The following PYY variants were observed in gnomAD, a reference collection of about 807,000 sequenced individuals.
PYY encodes peptide YY.
A neutral mutation model predicts 10.3 loss-of-function variants in PYY; 12 were observed. The ratio of observed to expected loss-of-function variants is 1.17; its 90% CI spans 0.75 to 1.89. The LOEUF (loss-of-function observed/expected upper bound fraction) is 1.89, where lower values mean the gene tolerates loss of function less well. Ranked by LOEUF, PYY falls within the 40% of genes most tolerant of loss-of-function variation. The probability of loss-of-function intolerance (pLI) is 0.00; values close to 1 mark genes in which losing one functional copy is unlikely to be tolerated. For missense variants in PYY, 141 were observed against 134.0 expected (o/e 1.05, Z -0.26); for synonymous variants, 66 against 62.0 (o/e 1.06, Z -0.30).
intron 1 of PYY, among the ~76,000 whole-genome samples, chr17:43,969,749 C>T (rs943819268): frequency 5.5e-5 from 8 of 144,796 alleles, no homozygotes; most frequent in African/African-American, 2.0e-4. Flanking sequence ...ACAAAAAAAA[C>T]TTTTTTTTTT....
upstream of PYY, among the ~76,000 whole-genome samples, chr17:43,955,660 C>G (rs1189059347): frequency 2.0e-5 from 3 of 152,102 alleles, no homozygotes; most frequent in Non-Finnish European, 4.4e-5. Flanking sequence ...CTTCAAGAAC[C>G]CCAGTCTCAA....
At chr17:43,974,740 A>G (rs2048817840) in intron 1 of PYY, among the ~76,000 whole-genome samples, 1 of 152,196 alleles carries the variant, frequency 6.6e-6, no homozygotes, top group Admixed American at 6.6e-5. Flanking sequence ...GGGTCCTAAC[A>G]TTGTATTCTA....
intron 1 of PYY, among the ~76,000 whole-genome samples, chr17:43,999,045 G>C (rs115687562): frequency 6.6e-6 from 1 of 152,250 alleles, no homozygotes; most frequent in East Asian, 1.9e-4. Context: ...TAGAGAAAAG[G>C]ACCAAGGCCT....
chr17:43,984,622 A>T (rs2048904676), intron 1 of PYY, among the ~76,000 whole-genome samples: 1 of 152,168 alleles, frequency 6.6e-6, no homozygotes, highest in Admixed American at 6.5e-5. Context: ...GGTCTGTCTG[A>T]ACCCAGAGTC....
intron 1 of PYY, among the ~76,000 whole-genome samples, chr17:43,973,436 C>T (rs1032439290): frequency 6.6e-6 from 1 of 152,118 alleles, no homozygotes; most frequent in Non-Finnish European, 1.5e-5. Flanking sequence ...CTGTGTGAGC[C>T]CCTTGAGGCA....
chr17:43,977,623 A>C (rs927143056), intron 1 of PYY, among the ~76,000 whole-genome samples: 2 of 151,280 alleles, frequency 1.3e-5, no homozygotes, highest in Non-Finnish European at 2.9e-5. Context: ...GCTTACCTTC[A>C]CCCTACTCTG....
In PYY at chr17:43,960,849, CA is replaced by C. The variant is rs754256255; in HGVS notation, c.-217-2822del. Among the ~76,000 whole-genome samples the C allele has an allele frequency of 8.0e-3, 1,020 of 127,276 alleles. 46 individuals carry two copies. The highest frequency in any genetic ancestry group is 0.074 in the Admixed American group (947 of 12,840). The allele number at this position is 127,276 out of a possible 152,430, so 83.5% of individuals were successfully genotyped here. On this transcript the variant is annotated intron_variant, in intron 2 of 6. Transcript: ENST00000360085. ...TGGGTGATAGAGTAAGACTCCGTCGCAAAAAAAAAAAAAACGGTGTTCATTA... is the reference window on the plus strand; with the variant it reads ...TGGGTGATAGAGTAAGACTCCGTCGCAAAAAAAAAAAAACGGTGTTCATTA...
chr17:43,969,897 C>T (rs370585449), intron 1 of PYY, among the ~76,000 whole-genome samples: 3 of 151,746 alleles, frequency 2.0e-5, no homozygotes, highest in East Asian at 2.0e-4. Flanking sequence ...TGCCCGCCAC[C>T]GCACCCGGCT....
intron 2 of PYY, among the ~76,000 whole-genome samples, chr17:43,961,098 T>C (rs2048709541): frequency 6.6e-6 from 1 of 151,852 alleles, no homozygotes; most frequent in Non-Finnish European, 1.5e-5. Context: ...TGGTGGTGCA[T>C]GCCTGTAGTC....
At chr17:43,992,895 T>G (rs1467088485) in intron 1 of PYY, among the ~76,000 whole-genome samples, 1 of 84,152 alleles carries the variant, frequency 1.2e-5, no homozygotes, top group Non-Finnish European at 2.4e-5. Flanking sequence ...AGGGGGAGGA[T>G]TGTCAGAGGA....
intron 1 of PYY, among the ~76,000 whole-genome samples, chr17:43,986,627 A>G (rs1173541165): frequency 6.6e-6 from 1 of 152,206 alleles, no homozygotes; most frequent in African/African-American, 2.4e-5. Context: ...GGAAAGAACA[A>G]TAATAGCCTT....
chr17:43,996,429 G>A (rs1470056574), intron 1 of PYY, among the ~76,000 whole-genome samples: 1 of 152,130 alleles, frequency 6.6e-6, no homozygotes, highest in Non-Finnish European at 1.5e-5. Context: ...GCATCCATGA[G>A]CAAATAAAAT....
intron 1 of PYY, among the ~76,000 whole-genome samples, chr17:43,973,645 A>G (rs1567930951): frequency 6.6e-6 from 1 of 152,070 alleles, no homozygotes; most frequent in Non-Finnish European, 1.5e-5. Context: ...AAATACAAAA[A>G]TTAGCCAGGC....
intron 1 of PYY, among the ~76,000 whole-genome samples, chr17:43,985,267 G>C (rs2143944292): frequency 6.6e-6 from 1 of 152,230 alleles, no homozygotes; most frequent in Middle Eastern, 3.4e-3. Context: ...CTGAAGTGCA[G>C]TGGCGTGATC....
chr17:43,963,598 GAA>G (rs780809640), intron 2 of PYY, among the ~76,000 whole-genome samples: 6 of 82,298 alleles, frequency 7.3e-5, no homozygotes, highest in South Asian at 1.0e-3. Context: ...AAGAAAGAAA[GAA>G]AGAAAGAAAG....
chr17:43,996,519 C>T (rs989700688), intron 1 of PYY, among the ~76,000 whole-genome samples: 1 of 152,104 alleles, frequency 6.6e-6, no homozygotes, highest in East Asian at 1.9e-4. Flanking sequence ...GGCTGGAGTG[C>T]AGTGGTGTAA....
At chr17:43,977,780 G>C (rs2048858382) in intron 1 of PYY, among the ~76,000 whole-genome samples, 1 of 152,088 alleles carries the variant, frequency 6.6e-6, no homozygotes, top group Admixed American at 6.6e-5. Context: ...CTGTCCCAGA[G>C]CCTGGGGCTC....
chr17:43,979,958 T>C (rs762691176), intron 1 of PYY, among the ~76,000 whole-genome samples: 38 of 152,212 alleles, frequency 2.5e-4, no homozygotes, highest in Non-Finnish European at 4.3e-4. Flanking sequence ...TTCAGCTCAA[T>C]GGATTTTCAC....
intron 1 of PYY, among the ~76,000 whole-genome samples, chr17:44,001,547 G>A (rs1220350838): frequency 1.3e-5 from 2 of 152,208 alleles, no homozygotes; most frequent in African/African-American, 2.4e-5. Flanking sequence ...CCAGAGGAGA[G>A]GTGGAGGGGA....
Sources: gnomAD v4.1 joint callset for allele counts (sites outside exome capture counted in the v4.1 genomes callset) on GRCh38, gnomAD v4.1.1 for gene constraint, MANE v1.5 for transcripts, NCBI Gene and HGNC (gene_info 2026-07-23, HGNC 2026-07-21) for gene names.